AGBL1: variants seen among roughly 807,000 people sequenced by gnomAD.
AGBL1 encodes AGBL carboxypeptidase 1, also known as cytosolic carboxypeptidase 4.
AGBL1 carries 130 observed loss-of-function variants against 118.9 expected under a neutral mutation model. The ratio of observed to expected loss-of-function variants is 1.09; its 90% CI spans 0.95 to 1.26. The LOEUF is 1.26. AGBL1 is among the 50% of genes most tolerant of loss of function. The pLI is 0.00. For missense variants in AGBL1, 1,584 were observed against 1,298.1 expected, an observed-to-expected ratio of 1.22 and a Z score of -3.38; for synonymous variants, 555 against 478.9, an observed-to-expected ratio of 1.16 and a Z score of -2.08.
intron 18 of AGBL1, among the ~76,000 whole-genome samples, chr15:86,455,920 AC>A (rs1475383837): frequency 4.6e-5 from 7 of 152,066 alleles, no homozygotes; most frequent in African/African-American, 1.7e-4. Flanking sequence ...CCATCCATCT[AC>A]CTACCTACCC....
chr15:86,289,946 C>T (rs1260649754), intron 16 of AGBL1, among the ~76,000 whole-genome samples: 1 of 152,194 alleles, frequency 6.6e-6, no homozygotes, highest in Admixed American at 6.5e-5. Context: ...GCAATAAACT[C>T]AACTCTGTTT....
chr15:86,861,816 G>T (rs898396072), intron 22 of AGBL1, among the ~76,000 whole-genome samples: 55 of 152,246 alleles, frequency 3.6e-4, no homozygotes, highest in African/African-American at 1.1e-3. Flanking sequence ...TGTATTCATG[G>T]GTTAATTGTC....
chr15:86,782,831 G>A (rs1290727085), intron 22 of AGBL1, among the ~76,000 whole-genome samples: 1 of 152,186 alleles, frequency 6.6e-6, no homozygotes, highest in South Asian at 2.1e-4. Context: ...AAGGTCAGCA[G>A]TGAAATGTTT....
chr15:86,214,803 G>T (rs192393135), intron 5 of AGBL1, among the ~76,000 whole-genome samples: 4 of 152,326 alleles, frequency 2.6e-5, no homozygotes, highest in African/African-American at 9.6e-5. Flanking sequence ...TCCCAGCCTC[G>T]ATTGTGGTGC....
intron 1 of AGBL1, among the ~76,000 whole-genome samples, chr15:86,080,623 C>G (rs1169588345): frequency 6.6e-6 from 1 of 152,200 alleles, no homozygotes; most frequent in Non-Finnish European, 1.5e-5. Flanking sequence ...TTTGAGAATT[C>G]TTGTTCTACA....
chr15:86,919,722 T>C (rs1275679695), downstream of AGBL1, among the ~76,000 whole-genome samples: 5 of 152,172 alleles, frequency 3.3e-5, no homozygotes, highest in Admixed American at 6.5e-5. Flanking sequence ...AAGAGGAAGA[T>C]TATAAATAGA....
rs147182800 is a variant in AGBL1, at chr15:86,207,888, G to T, written c.489-17026G>T. ...GTGAGAGAGGACATCCCTGTCTTGT[G>T]CCACTTTTCAAAGGGAATGCTTCCA... On this transcript the variant is annotated intron_variant, in intron 5 of 22. Coordinates refer to ENST00000614907, the MANE Select transcript of AGBL1 (RefSeq NM_001386094.1). Among the ~76,000 whole-genome samples, 1,201 of 152,212 alleles carry T rather than the reference G, an allele frequency of 7.9e-3. 11 individuals carry two copies. Among genetic ancestry groups the T allele is most frequent in the Non-Finnish European group, 0.012 (800 of 68,004 alleles).
chr15:86,726,903 G>C (rs190552598), intron 22 of AGBL1, among the ~76,000 whole-genome samples: 1 of 152,262 alleles, frequency 6.6e-6, no homozygotes, highest in East Asian at 1.9e-4. Flanking sequence ...TTTAGTGGCA[G>C]TTAGTTTCTG....
At chr15:86,566,800 A>G (rs1419274408) in intron 21 of AGBL1, among the ~76,000 whole-genome samples, 1 of 152,114 alleles carries the variant, frequency 6.6e-6, no homozygotes, top group East Asian at 1.9e-4. Flanking sequence ...ATCCATATCA[A>G]TGGTTTTTAA....
At chr15:86,635,257 C>A (rs1330701825) in intron 21 of AGBL1, among the ~76,000 whole-genome samples, 3 of 92,640 alleles carry the variant, frequency 3.2e-5, no homozygotes, top group East Asian at 4.5e-4. Flanking sequence ...TCCTCCTCCC[C>A]CTCCCCCTCC....
chr15:86,264,940 G>C (rs1005945184), intron 11 of AGBL1, 102 bp downstream of exon 11: 1 of 1,113,382 alleles, frequency 9.0e-7, no homozygotes, highest in Non-Finnish European at 1.2e-6. Flanking sequence ...AGGAAAGAGA[G>C]CATTAATCAG....
intron 5 of AGBL1, among the ~76,000 whole-genome samples, chr15:86,188,766 C>A (rs2077671882): frequency 6.6e-6 from 1 of 152,148 alleles, no homozygotes; most frequent in Non-Finnish European, 1.5e-5. Context: ...TCTTGATATA[C>A]TGTTGCTGGC....
chr15:86,784,304 A>G (rs767011643), intron 22 of AGBL1, among the ~76,000 whole-genome samples: 4 of 152,258 alleles, frequency 2.6e-5, no homozygotes, highest in Non-Finnish European at 5.9e-5. Context: ...GGAAAAATAT[A>G]GCCAGAAAGA....
intron 22 of AGBL1, among the ~76,000 whole-genome samples, chr15:86,714,153 A>G (rs532559264): frequency 2.0e-5 from 3 of 152,246 alleles, no homozygotes; most frequent in Non-Finnish European, 2.9e-5. Context: ...AAAGGGGTGC[A>G]TATAAACACA....
intron 22 of AGBL1, among the ~76,000 whole-genome samples, chr15:86,681,220 C>T (rs915537768): frequency 6.6e-6 from 1 of 152,146 alleles, no homozygotes; most frequent in East Asian, 1.9e-4. Context: ...TTTGCCCTCA[C>T]ACATTCAATT....
chr15:86,530,154 A>G (rs1567042346), intron 19 of AGBL1, among the ~76,000 whole-genome samples: 1 of 141,944 alleles, frequency 7.0e-6, no homozygotes, highest in Non-Finnish European at 1.5e-5. Flanking sequence ...ATTAAAAGAC[A>G]CAGACTGGCA....
chr15:86,264,394 A>C lies in AGBL1; in HGVS notation c.1223A>C (p.Glu408Ala). The change falls in exon 11 of 23, where the codon GAA becomes GCA. Residue 408 changes from glutamate to alanine, a missense_variant. Physicochemically the swap from Glu to Ala is moderately radical, Grantham distance 107. Transcript: ENST00000614907. Reference protein sequence around the residue: ...KDQSSCGQEREYAVQTSLLCR... With the variant: ...KDQSSCGQERAYAVQTSLLCR... The stretch of plus-strand genomic sequence containing the variant: ...CAAAGCTCCTGTGGGCAAGAAAGAG[A>C]ATATGCTGTCCAGACTTCCCTTCTG... The C allele has an allele frequency of 1.9e-6, 3 of 1,613,926 alleles. No homozygotes were observed. The South Asian group carries it at 3.3e-5, about 18-fold the overall frequency.
chr15:86,741,592 G>A (rs562000935), intron 22 of AGBL1, among the ~76,000 whole-genome samples: 1 of 151,906 alleles, frequency 6.6e-6, no homozygotes, highest in East Asian at 1.9e-4. Flanking sequence ...TGTTGATGAA[G>A]TCTCTTGAAA....
chr15:86,735,516 T>C (rs1379745746), intron 22 of AGBL1, among the ~76,000 whole-genome samples: 1 of 152,050 alleles, frequency 6.6e-6, no homozygotes, highest in Admixed American at 6.6e-5. Flanking sequence ...TATCTATCTA[T>C]CTATAAATCA....
Sources: gnomAD v4.1 joint callset for allele counts (sites outside exome capture counted in the v4.1 genomes callset) on GRCh38, gnomAD v4.1.1 for gene constraint, MANE v1.5 for transcripts, NCBI Gene and HGNC (gene_info 2026-07-23, HGNC 2026-07-21) for gene names.